KHK: variants seen among roughly 807,000 people sequenced by gnomAD.
KHK encodes the protein ketohexokinase.
In KHK, 37 loss-of-function variants were observed where a neutral mutation model predicts 36.0. The observed-to-expected ratio is 1.03, with a 90% confidence interval of 0.79 to 1.35. The LOEUF is 1.35. Among genes scored for constraint, KHK ranks in the 40% most tolerant of loss-of-function variants. The pLI, the probability that KHK is intolerant of heterozygous loss-of-function variation, is 0.00. For synonymous variants in KHK, 161 were observed against 162.8 expected (o/e 0.99, Z 0.08); for missense variants, 395 against 391.9 (o/e 1.01, Z -0.07).
intron 1 of KHK, among the ~76,000 whole-genome samples, chr2:27,088,264 C>G (rs1669784377): frequency 6.6e-6 from 1 of 151,802 alleles, no homozygotes. Flanking sequence ...ACGTCACCAT[C>G]CCAGCTGTAT....
Position 27,092,574 on chromosome 2 carries a change from G to A in KHK, c.209+126G>A, listed in dbSNP as rs114388163. 1.9e-3 allele frequency: 1,386 copies of A among 733,768 alleles called. 12 individuals carry two copies. In the African/African-American group the frequency reaches 0.021, roughly 11 times the overall value. The allele number at this position is 733,768 out of a possible 1,614,324, so 45.5% of individuals were successfully genotyped here. On this transcript the variant is annotated intron_variant, in intron 2 of 7. Coordinates refer to ENST00000260598, the MANE Select transcript of KHK (RefSeq NM_006488.3). ...TTGTGTCCAGCAGAAACGCGGGGAG[G>A]GGGCATGGCGGAGCACCAGACGCCC...
At chr2:27,096,226 T>C (rs1670326929) in intron 3 of KHK, among the ~76,000 whole-genome samples, 2 of 152,140 alleles carry the variant, frequency 1.3e-5, no homozygotes, top group Non-Finnish European at 2.9e-5. Flanking sequence ...CTTCCTCAAG[T>C]GCTACCTTGA....
chr2:27,099,469 C>T lies in KHK; in HGVS notation c.703C>T (p.Pro235Ser), dbSNP rs1225085709. Residue 235 changes from proline to serine, a missense_variant, in exon 7 of 8, where the codon CCT becomes TCT. Physicochemically the swap from Pro to Ser is moderately conservative, Grantham distance 74. Coordinates refer to ENST00000260598, the MANE Select transcript of KHK (RefSeq NM_006488.3). ...WAEEGADALG[P>S]DGKLLHSDAF... ...TGAGGAGGGCGCCGACGCCCTGGGC[C>T]CTGATGGCAAATTGCTCCACTCGGA... 6.2e-7 allele frequency: 1 copy of T among 1,614,044 alleles called. No individual in the cohort carries two copies. Among genetic ancestry groups the T allele is most frequent in the Admixed American group, 1.7e-5 (1 of 60,014 alleles).
chr2:27,096,595 T>C lies in KHK; in HGVS notation c.345-134T>C, dbSNP rs1453494602. The C allele has an allele frequency of 1.3e-5, 10 of 770,490 alleles. No homozygotes were observed. In the African/African-American group the frequency reaches 1.4e-4, roughly 10 times the overall value. 47.7% of individuals were successfully genotyped at this position (770,490 alleles called of 1,614,324 possible). Reference sequence around the variant, plus strand: ...ACCCTGGAGCTGAGCCTGAGAATCCTGTGCTGTGGATCCAGCTTCCTGTCA... The same window carrying C: ...ACCCTGGAGCTGAGCCTGAGAATCCCGTGCTGTGGATCCAGCTTCCTGTCA... On this transcript the variant is annotated intron_variant, in intron 3 of 7. Coordinates refer to ENST00000260598, the MANE Select transcript of KHK (RefSeq NM_006488.3).
rs886055887 is a variant in KHK, at chr2:27,097,584, C to T, written c.499C>T (p.Arg167Trp). 12 of 1,614,026 alleles carry T rather than the reference C, an allele frequency of 7.4e-6. No individual in the cohort carries two copies. Among genetic ancestry groups the T allele is most frequent in the East Asian group, 4.5e-5 (2 of 44,886 alleles). ...CAGGCAGCCTCCAGAGCAGAAGATCCGGGTGTCCGTGGAGGTGGAGAAGCC... is the reference window on the plus strand; with the variant it reads ...CAGGCAGCCTCCAGAGCAGAAGATCTGGGTGTCCGTGGAGGTGGAGAAGCC... ...NTRQPPEQKI[R>W]VSVEVEKPRE... is the part of the protein sequence containing the mutation. The change falls in exon 5 of 8, where the codon CGG (arginine) becomes TGG (tryptophan). Residue 167 changes from arginine (R) to tryptophan (W), a missense_variant. Transcript: ENST00000260598.
intron 1 of KHK, among the ~76,000 whole-genome samples, chr2:27,091,977 G>A (rs573350575): frequency 3.9e-5 from 6 of 152,230 alleles, no homozygotes; most frequent in Admixed American, 3.9e-4. Flanking sequence ...AAGGTGCAGC[G>A]TCTGGAGCAG....
Position 27,100,539 on chromosome 2 carries a change from A to G in KHK, c.*789A>G. ...GGCCAACTCCAATATAGGGTGGGTA[A>G]GGCCTTATAATGTAAAGAGCATATA... is the stretch of plus-strand genomic sequence containing the variant. On this transcript the variant is annotated 3_prime_UTR_variant, in exon 8 of 8. Transcript: ENST00000260598. The G allele has an allele frequency of 7.7e-7, 1 of 1,290,858 alleles. No individual in the cohort carries two copies. The highest frequency in any genetic ancestry group is 1.0e-6 in the Non-Finnish European group (1 of 988,714). The allele number at this position is 1,290,858 out of a possible 1,614,324, so 80.0% of individuals were successfully genotyped here.
At chr2:27,096,200 C>T (rs114101122) in intron 3 of KHK, among the ~76,000 whole-genome samples, 2,654 of 152,326 alleles carry the variant, frequency 0.017, 30 homozygotes, top group Non-Finnish European at 0.028. Context: ...TTTCCTAAAC[C>T]GGCCAAACAC....
At chr2:27,097,743 A>G in intron 5 of KHK, 94 bp downstream of exon 5, 2 of 1,552,620 alleles carry the variant, frequency 1.3e-6, no homozygotes, top group Non-Finnish European at 1.8e-6. Flanking sequence ...CACAATTGGA[A>G]TAGTGGTTCC....
intron 5 of KHK, 89 bp downstream of exon 5, chr2:27,097,738 T>C: frequency 6.4e-7 from 1 of 1,561,848 alleles, no homozygotes; most frequent in Non-Finnish European, 8.8e-7. Context: ...CCTACCACAA[T>C]TGGAATAGTG....
intron 4 of KHK, 51 bp downstream of exon 4, chr2:27,096,852 C>G: frequency 1.5e-6 from 2 of 1,333,848 alleles, no homozygotes. Flanking sequence ...CCAGCCTCCT[C>G]CACATGTTCT....
rs1425080213 is a variant in KHK, at chr2:27,094,892, TCAA to T, written c.307_309del (p.Asn103del). The T allele has an allele frequency of 1.2e-5, 19 of 1,613,892 alleles. No homozygotes were observed. The highest frequency in any genetic ancestry group is 2.7e-5 in the African/African-American group (2 of 74,940). ...GACACCCCCAGCTCCTGCTGCATCA[TCAA>T]CAACTCCAATGGCAACCGTACCATT... On this transcript the variant is annotated inframe_deletion, in exon 3 of 8. Transcript: ENST00000260598.
intron 5 of KHK, 128 bp downstream of exon 5, chr2:27,097,777 G>C: frequency 1.5e-6 from 2 of 1,346,420 alleles, no homozygotes; most frequent in South Asian, 2.4e-5. Flanking sequence ...TTTGAAGATG[G>C]GGGATGGGGG....
chr2:27,094,025 G>A (rs927381757), intron 2 of KHK, among the ~76,000 whole-genome samples: 1 of 152,198 alleles, frequency 6.6e-6, no homozygotes, highest in Non-Finnish European at 1.5e-5. Context: ...ACAGCACCCT[G>A]GATGAGCTTG....
intron 3 of KHK, among the ~76,000 whole-genome samples, 165 bp downstream of exon 3, chr2:27,095,099 T>C (rs534517038): frequency 6.6e-6 from 1 of 152,200 alleles, no homozygotes; most frequent in African/African-American, 2.4e-5. Flanking sequence ...TGCTTTCAAT[T>C]AGGGGAAAAG....
chr2:27,096,444 G>A (rs1670354781), intron 3 of KHK, among the ~76,000 whole-genome samples: 1 of 152,260 alleles, frequency 6.6e-6, no homozygotes, highest in Non-Finnish European at 1.5e-5. Flanking sequence ...GTGCATTCTG[G>A]GAGATGCAGT....
chr2:27,091,882 G>T (rs1346379056), intron 1 of KHK, among the ~76,000 whole-genome samples: 1 of 151,990 alleles, frequency 6.6e-6, no homozygotes, highest in Non-Finnish European at 1.5e-5. Context: ...CTAACACAGG[G>T]GTAGGTGTAA....
rs544812297 is a variant in KHK at position 27,092,582 on chromosome 2, G to T, written c.209+134G>T. On this transcript the variant is annotated intron_variant, in intron 2 of 7. Transcript: ENST00000260598. ...AGCAGAAACGCGGGGAGGGGGCATG[G>T]CGGAGCACCAGACGCCCAGCCCTGC... is the stretch of plus-strand genomic sequence containing the variant. 7 of 714,112 alleles carry T rather than the reference G, an allele frequency of 9.8e-6. No individual in the cohort carries two copies. In the South Asian group the frequency reaches 1.1e-4, roughly 11 times the overall value. The allele number at this position is 714,112 out of a possible 1,614,324, so 44.2% of individuals were successfully genotyped here. A position where few individuals can be genotyped will look rare whatever the true frequency, so the allele number is the denominator to read the frequency against.
In KHK at chr2:27,092,467, G is replaced by A. The variant is rs1572863160; in HGVS notation, c.209+19G>A. On this transcript the variant is annotated intron_variant, in intron 2 of 7. Coordinates refer to ENST00000260598, the MANE Select transcript of KHK (RefSeq NM_006488.3). ...TTGCTGAGTAAGTCCAGGAGGGAGA[G>A]CCCACTGGGGAAGGCCTGCCTGCAT... 2 of 1,556,782 alleles carry A rather than the reference G, an allele frequency of 1.3e-6. No homozygotes were observed. The highest frequency in any genetic ancestry group is 1.7e-5 in the Admixed American group (1 of 59,838).
Sources: gnomAD v4.1 joint callset for allele counts (sites outside exome capture counted in the v4.1 genomes callset) on GRCh38, gnomAD v4.1.1 for gene constraint, MANE v1.5 for transcripts, NCBI Gene and HGNC (gene_info 2026-07-23, HGNC 2026-07-21) for gene names.